The following RASEF variants were observed in gnomAD, a reference collection of about 807,000 sequenced individuals.
The protein encoded by RASEF is RAS and EF-hand domain containing, also known as ras and EF-hand domain-containing protein.
In RASEF, 68 loss-of-function variants were observed where a neutral mutation model predicts 90.1. That is an observed-to-expected ratio of 0.75 (90% CI 0.62 to 0.92). The LOEUF is 0.92. Among genes scored for constraint, RASEF ranks in the 40% least tolerant of loss-of-function variants. The pLI is 0.00. For missense variants in RASEF, 949 were observed against 937.2 expected (o/e 1.01, Z -0.16); for synonymous variants, 331 against 345.2 (o/e 0.96, Z 0.46).
chr9:83,057,846 CAT>C lies in RASEF; in HGVS notation c.431+4589_431+4590del, dbSNP rs66535022. On this transcript the variant is annotated intron_variant, in intron 1 of 16. Transcript: ENST00000376447. Reference sequence around the variant, plus strand: ...TCATATATACATATATTCATATATACATATATATATATATATATATATATATT... The same window carrying C: ...TCATATATACATATATTCATATATACATATATATATATATATATATATATT... Among the ~76,000 whole-genome samples, 1,193 of 143,344 alleles carry C rather than the reference CAT, an allele frequency of 8.3e-3. 12 individuals are homozygous for C. Among genetic ancestry groups the C allele is most frequent in the East Asian group, 0.025 (124 of 4,960 alleles). 94.0% of individuals were successfully genotyped at this position (143,344 alleles called of 152,430 possible).
chr9:83,169,171 A>T, the RASEF span, among the ~76,000 whole-genome samples: 1 of 152,160 alleles, frequency 6.6e-6, no homozygotes, highest in Admixed American at 6.6e-5. Flanking sequence ...ATGCTGCTGC[A>T]AATGACAGGG....
At chr9:83,183,850 G>C in the RASEF span, among the ~76,000 whole-genome samples, 1 of 152,200 alleles carries the variant, frequency 6.6e-6, no homozygotes, top group Non-Finnish European at 1.5e-5. Context: ...CAGTCCCTCT[G>C]GGAGGGCTTT....
At chr9:83,128,932 G>T in the RASEF span, among the ~76,000 whole-genome samples, 1 of 152,156 alleles carries the variant, frequency 6.6e-6, no homozygotes, top group South Asian at 2.1e-4. Context: ...TAATACACTA[G>T]TAATTTGTTA....
chr9:83,033,266 A>C lies in RASEF; in HGVS notation c.432-7345T>G, dbSNP rs1427639625. Among the ~76,000 whole-genome samples, 3 of 152,240 alleles carry C rather than the reference A, an allele frequency of 2.0e-5. No homozygotes were observed. The East Asian group carries it at 5.8e-4, about 29-fold the overall frequency. ...CCAAGGGGCGCCATGAGAGATCTTGAAAATGCTAGGAAGCCAACCAAATTC... is the reference window on the plus strand; with the variant it reads ...CCAAGGGGCGCCATGAGAGATCTTGCAAATGCTAGGAAGCCAACCAAATTC... On this transcript the variant is annotated intron_variant, in intron 1 of 16. Coordinates refer to ENST00000376447, the MANE Select transcript of RASEF (RefSeq NM_152573.4).
At chr9:83,048,377 C>T (rs1829970882) in intron 1 of RASEF, 1 of 985,242 alleles carries the variant, frequency 1.0e-6, no homozygotes, top group Admixed American at 6.2e-5. Flanking sequence ...GATCTGGACC[C>T]AGGCCATCTA....
At chr9:83,083,268 T>C in the RASEF span, among the ~76,000 whole-genome samples, 1 of 152,138 alleles carries the variant, frequency 6.6e-6, no homozygotes. Context: ...CCTGATCTCA[T>C]CCAAACTGGT....
At chr9:83,094,734 G>A in the RASEF span, among the ~76,000 whole-genome samples, 1 of 152,156 alleles carries the variant, frequency 6.6e-6, no homozygotes, top group African/African-American at 2.4e-5. Context: ...AGAAGAGTCT[G>A]GATAGTGTAC....
chr9:83,072,369 C>G, the RASEF span, among the ~76,000 whole-genome samples: 1 of 152,150 alleles, frequency 6.6e-6, no homozygotes, highest in Non-Finnish European at 1.5e-5. Context: ...CCCCACTTTG[C>G]CACTTTGCTA....
At chr9:83,154,847 G>A in the RASEF span, among the ~76,000 whole-genome samples, 1 of 152,114 alleles carries the variant, frequency 6.6e-6, no homozygotes, top group African/African-American at 2.4e-5. Flanking sequence ...TTTACTGTGG[G>A]TTCACAACTA....
At chr9:83,010,360 C>T (rs1423277766) in intron 5 of RASEF, among the ~76,000 whole-genome samples, 3 of 152,026 alleles carry the variant, frequency 2.0e-5, no homozygotes, top group African/African-American at 7.2e-5. Context: ...GAACCAATAA[C>T]AGTTAAAAGA....
chr9:83,083,463 C>T, the RASEF span, among the ~76,000 whole-genome samples: 1 of 152,114 alleles, frequency 6.6e-6, no homozygotes, highest in Admixed American at 6.6e-5. Context: ...AAATGATATA[C>T]TTGAACAAAT....
At chr9:83,149,374 A>G in the RASEF span, among the ~76,000 whole-genome samples, 1 of 152,208 alleles carries the variant, frequency 6.6e-6, no homozygotes, top group African/African-American at 2.4e-5. Context: ...TAGGGAGGCT[A>G]CATTAGGGAG....
chr9:82,997,893 A>G (rs1305987585), intron 13 of RASEF, among the ~76,000 whole-genome samples: 1 of 152,186 alleles, frequency 6.6e-6, no homozygotes, highest in Non-Finnish European at 1.5e-5. Context: ...GTTAAACAAG[A>G]TTAAAATCTG....
chr9:83,179,740 T>C, the RASEF span, among the ~76,000 whole-genome samples: 1 of 152,236 alleles, frequency 6.6e-6, no homozygotes, highest in African/African-American at 2.4e-5. Context: ...ACCCAGATAT[T>C]TTGCTAAATA....
intron 1 of RASEF, among the ~76,000 whole-genome samples, chr9:83,037,249 G>C (rs1829758777): frequency 1.3e-5 from 2 of 151,898 alleles, no homozygotes; most frequent in South Asian, 4.1e-4. Context: ...GCCTGCACTA[G>C]CAGAAGAAGA....
chr9:82,986,337 C>A (rs888180194), intron 16 of RASEF, among the ~76,000 whole-genome samples: 17 of 152,338 alleles, frequency 1.1e-4, no homozygotes, highest in African/African-American at 3.8e-4. Flanking sequence ...CCTCTATCAG[C>A]TACGTACCAT....
intron 9 of RASEF, among the ~76,000 whole-genome samples, chr9:83,002,761 G>A (rs1196021708): frequency 6.6e-6 from 1 of 151,930 alleles, no homozygotes; most frequent in African/African-American, 2.4e-5. Context: ...ATCAAGTTCT[G>A]AATTAAGAAT....
At chr9:83,000,754 C>T (rs1829020481) in intron 10 of RASEF, 142 bp downstream of exon 10, 1 of 909,190 alleles carries the variant, frequency 1.1e-6, no homozygotes, top group South Asian at 1.8e-5. Context: ...CTCCCTAACT[C>T]TGTGGAGGAA....
the RASEF span, among the ~76,000 whole-genome samples, chr9:83,102,978 CATCA>C: frequency 1.3e-5 from 2 of 152,184 alleles, no homozygotes; most frequent in African/African-American, 4.8e-5. Flanking sequence ...AACATCAAAA[CATCA>C]GAATAAAAAG....
Sources: gnomAD v4.1 joint callset for allele counts (sites outside exome capture counted in the v4.1 genomes callset) on GRCh38, gnomAD v4.1.1 for gene constraint, MANE v1.5 for transcripts, NCBI Gene and HGNC (gene_info 2026-07-23, HGNC 2026-07-21) for gene names.